CASR: variants seen among roughly 807,000 people sequenced by gnomAD.
The protein encoded by CASR is calcium sensing receptor, also known as extracellular calcium-sensing receptor.
A neutral mutation model predicts 69.1 loss-of-function variants in CASR; 23 were observed. The observed-to-expected ratio is 0.33, with a 90% confidence interval of 0.24 to 0.47. The LOEUF (loss-of-function observed/expected upper bound fraction) is 0.47. CASR is among the 20% of genes least tolerant of loss of function. The probability of loss-of-function intolerance (pLI) is 1.00; values close to 1 mark genes in which losing one functional copy is unlikely to be tolerated. For synonymous variants in CASR, 541 were observed against 544.7 expected (o/e 0.99, Z 0.10); for missense variants, 924 against 1,356.1 (o/e 0.68, Z 5.00).
chr3:122,204,504 C>T (rs2073987289), intron 1 of CASR, among the ~76,000 whole-genome samples: 1 of 152,088 alleles, frequency 6.6e-6, no homozygotes, highest in Admixed American at 6.6e-5. Context: ...AGGTTGATTC[C>T]ATATTTTGGC....
intron 1 of CASR, among the ~76,000 whole-genome samples, chr3:122,206,968 A>G (rs139742506): frequency 7.0e-4 from 106 of 150,766 alleles, no homozygotes; most frequent in Middle Eastern, 3.4e-3. Flanking sequence ...TTTTTTTCTT[A>G]TTTACTCTAG....
chr3:122,205,793 T>C (rs1048098265), intron 1 of CASR, among the ~76,000 whole-genome samples: 6 of 152,014 alleles, frequency 3.9e-5, no homozygotes, highest in Non-Finnish European at 7.4e-5. Flanking sequence ...ACTTATTTGA[T>C]TAAATTTATT....
In CASR at chr3:122,218,376, T is replaced by C. The variant is rs543118073; in HGVS notation, c.-243+34564T>C. On this transcript the variant is annotated intron_variant, in intron 1 of 6. Transcript: ENST00000639785. ...TGGTGAAACCCCGCCTCTACTAAAA[T>C]ACAAAAAATTAGCCAGGCGGTGTGG... 4.1e-4 allele frequency among the ~76,000 whole-genome samples: 62 copies of C among 151,564 alleles called. 1 individual carries two copies. Among genetic ancestry groups the C allele is most frequent in the Admixed American group, 4.1e-3 (62 of 15,238 alleles).
At chr3:122,235,656 G>T (rs2074322458) in intron 1 of CASR, among the ~76,000 whole-genome samples, 2 of 152,098 alleles carry the variant, frequency 1.3e-5, no homozygotes, top group Non-Finnish European at 2.9e-5. Context: ...AAATAGCCTG[G>T]GGTAGTGGCA....
chr3:122,204,351 TTATTTTACTTAC>T (rs1426002259), intron 1 of CASR, among the ~76,000 whole-genome samples: 2 of 152,176 alleles, frequency 1.3e-5, no homozygotes, highest in African/African-American at 2.4e-5. Context: ...TATGCTTGGC[TTATTTTACTTAC>T]TATAATGATC....
intron 1 of CASR, among the ~76,000 whole-genome samples, chr3:122,189,823 A>G (rs866348902): frequency 2.0e-5 from 3 of 152,226 alleles, no homozygotes; most frequent in African/African-American, 2.4e-5. Context: ...TGTCCTTAGG[A>G]ACAAAGTTTT....
chr3:122,191,018 T>G (rs1005018024), intron 1 of CASR, among the ~76,000 whole-genome samples: 1 of 152,224 alleles, frequency 6.6e-6, no homozygotes, highest in African/African-American at 2.4e-5. Context: ...CCTCTCCACC[T>G]TATACAGATT....
At chr3:122,223,695 C>A (rs2074195225) in intron 1 of CASR, among the ~76,000 whole-genome samples, 1 of 152,064 alleles carries the variant, frequency 6.6e-6, no homozygotes, top group South Asian at 2.1e-4. Flanking sequence ...ATTCTATGAA[C>A]CCAGCATCAT....
rs2074899924 is a variant in CASR at position 122,282,236 on chromosome 3, G to A, written c.1732G>A (p.Asp578Asn). ...TGATGGGGAGTATAGTGATGAGACA[G>A]GTAAGGGAACCCCTCTTGGGCACTG... ...CPDGEYSDET[D>N]ASACNKCPDD... The change falls in exon 6 of 7, where the codon GAT becomes AAT. Residue 578 changes from aspartate to asparagine, a missense_variant and splice_region_variant. This residue lies in a region of CASR where 18 missense variants were observed against 57.9 expected (regional missense o/e 0.31). Coordinates refer to ENST00000639785, the MANE Select transcript of CASR (RefSeq NM_000388.4). The A allele has an allele frequency of 6.2e-7, 1 of 1,613,956 alleles. No individual in the cohort carries two copies.
rs1363280905 is a variant in CASR, at chr3:122,287,110, T to G, written c.*1919T>G. 1 of 152,176 alleles carries G rather than the reference T, an allele frequency of 6.6e-6. No individual in the cohort carries two copies. Among genetic ancestry groups the G allele is most frequent in the Non-Finnish European group, 1.5e-5 (1 of 68,028 alleles). The allele number at this position is 152,176 out of a possible 1,614,324, so 9.4% of individuals were successfully genotyped here. On this transcript the variant is annotated 3_prime_UTR_variant, in exon 7 of 7. Coordinates refer to ENST00000639785, the MANE Select transcript of CASR (RefSeq NM_000388.4). ...GCAAGGCACCGAGCTGAGTGGGGAT[T>G]TATATTTAACATTTTACTTGGTCTT...
At chr3:122,237,476 C>A (rs1244662288) in intron 1 of CASR, among the ~76,000 whole-genome samples, 6 of 152,050 alleles carry the variant, frequency 3.9e-5, no homozygotes, top group African/African-American at 1.2e-4. Context: ...GAAAGAATTG[C>A]CATACTATTG....
chr3:122,193,194 T>C (rs1239873257), intron 1 of CASR, among the ~76,000 whole-genome samples: 1 of 132,310 alleles, frequency 7.6e-6, no homozygotes, highest in African/African-American at 3.0e-5. Context: ...TTCTGGTTTT[T>C]TTTTTGTTTG....
intron 4 of CASR, among the ~76,000 whole-genome samples, chr3:122,270,600 T>G (rs1409364050): frequency 2.0e-5 from 3 of 152,206 alleles, no homozygotes; most frequent in African/African-American, 7.2e-5. Context: ...AGTCATTGAT[T>G]TAAAAACCTT....
At chr3:122,243,568 G>A (rs1382634151) in intron 1 of CASR, among the ~76,000 whole-genome samples, 1 of 152,092 alleles carries the variant, frequency 6.6e-6, no homozygotes, top group African/African-American at 2.4e-5. Flanking sequence ...CTCATACGCT[G>A]TTGGTGGGAA....
chr3:122,222,293 G>C (rs1335134125), intron 1 of CASR, among the ~76,000 whole-genome samples: 1 of 152,082 alleles, frequency 6.6e-6, no homozygotes, highest in Admixed American at 6.5e-5. Context: ...TGTGTACTCT[G>C]GGTGTATGCA....
chr3:122,250,846 T>TC (rs2074475736), intron 1 of CASR, among the ~76,000 whole-genome samples: 1 of 152,214 alleles, frequency 6.6e-6, no homozygotes, highest in Non-Finnish European at 1.5e-5. Flanking sequence ...CTTTTTTTTT[T>TC]CCACTTCTGA....
chr3:122,233,384 G>T (rs1346777597), intron 1 of CASR, among the ~76,000 whole-genome samples: 1 of 152,204 alleles, frequency 6.6e-6, no homozygotes, highest in Non-Finnish European at 1.5e-5. Flanking sequence ...ACCAGTTCCA[G>T]CCCAGTCCTG....
intron 3 of CASR, 119 bp from the exon 4 acceptor site, chr3:122,261,409 T>A: frequency 1.2e-6 from 1 of 854,190 alleles, no homozygotes; most frequent in Admixed American, 1.7e-5. Context: ...GTGAACAGCA[T>A]AGTTGATAAA....
intron 4 of CASR, 134 bp from the exon 5 acceptor site, chr3:122,275,678 G>A (rs962451427): frequency 2.8e-6 from 2 of 725,846 alleles, no homozygotes; most frequent in Non-Finnish European, 5.1e-6. Context: ...AGAAAAAGCT[G>A]TCTCTTCCTC....
Sources: gnomAD v4.1 joint callset for allele counts (sites outside exome capture counted in the v4.1 genomes callset) on GRCh38, gnomAD v4.1.1 for gene constraint, gnomAD v4.1.1 regional missense constraint, MANE v1.5 for transcripts, NCBI Gene and HGNC (gene_info 2026-07-23, HGNC 2026-07-21) for gene names.